ARHGAP20: variants seen among roughly 807,000 people sequenced by gnomAD.
The protein encoded by ARHGAP20 is Rho GTPase activating protein 20.
In ARHGAP20, 34 loss-of-function variants were observed where a neutral mutation model predicts 73.7. That is an observed-to-expected ratio of 0.46 (90% CI 0.35 to 0.61). The LOEUF is 0.61. ARHGAP20 is among the 20% of genes least tolerant of loss of function. The pLI, the probability that ARHGAP20 is intolerant of heterozygous loss-of-function variation, is 0.00. For missense variants in ARHGAP20, 1,314 were observed against 1,420.9 expected (o/e 0.92, Z 1.21); for synonymous variants, 523 against 518.2 (o/e 1.01, Z -0.13).
intron 4 of ARHGAP20, among the ~76,000 whole-genome samples, chr11:110,618,547 T>C (rs547081364): frequency 7.7e-4 from 117 of 152,284 alleles, no homozygotes; most frequent in African/African-American, 2.6e-3. Flanking sequence ...AGAGTATATG[T>C]AGTGATAGAG....
intron 7 of ARHGAP20, among the ~76,000 whole-genome samples, chr11:110,609,959 T>C (rs1047283371): frequency 1.3e-5 from 2 of 152,152 alleles, no homozygotes; most frequent in African/African-American, 4.8e-5. Context: ...GAAAACACTG[T>C]AATAATAATC....
chr11:110,632,839 C>T (rs759261321), intron 2 of ARHGAP20, among the ~76,000 whole-genome samples: 26 of 152,126 alleles, frequency 1.7e-4, no homozygotes, highest in East Asian at 9.6e-4. Flanking sequence ...TGTTATTATA[C>T]GCATATTGAG....
rs1949795307 is a variant in ARHGAP20, at chr11:110,669,917, C to T, written c.188+20630G>A. Among the ~76,000 whole-genome samples, 3 of 152,086 alleles carry T rather than the reference C, an allele frequency of 2.0e-5. No homozygotes were observed. The South Asian group carries it at 6.2e-4, about 32-fold the overall frequency. ...AAAATTTAAAAAACCCTACTGTCTACTAACACATAAAAGAAATAAAGAGGT... is the reference window on the plus strand; with the variant it reads ...AAAATTTAAAAAACCCTACTGTCTATTAACACATAAAAGAAATAAAGAGGT... On this transcript the variant is annotated intron_variant, in intron 2 of 14. Coordinates refer to ENST00000683387, the MANE Select transcript of ARHGAP20 (RefSeq NM_001384657.1).
rs1397450933 is a variant in ARHGAP20 at position 110,580,586 on chromosome 11, C to T, written c.2360G>A (p.Gly787Glu). 6.2e-6 allele frequency: 10 copies of T among 1,614,106 alleles called. No homozygotes were observed. Among genetic ancestry groups the T allele is most frequent in the Non-Finnish European group, 8.5e-6 (10 of 1,180,044 alleles). The change falls in exon 15 of 15, where the codon GGA becomes GAA. Residue 787 changes from glycine to glutamate, a missense_variant. Coordinates refer to ENST00000683387, the MANE Select transcript of ARHGAP20 (RefSeq NM_001384657.1). The part of the protein sequence containing the change: ...TKKKSLSGSE[G>E]NHVKLFPKSK... ...CTTAGGGAAAAGTTTCACGTGATTT[C>T]CTTCACTACCAGACAAGCTTTTCTT...
chr11:110,655,559 A>G (rs1949447189), intron 2 of ARHGAP20, among the ~76,000 whole-genome samples: 1 of 152,198 alleles, frequency 6.6e-6, no homozygotes, highest in Admixed American at 6.5e-5. Context: ...GTAAGTATTT[A>G]CTAAATAAAT....
At chr11:110,607,240 T>C (rs1343349165) in intron 8 of ARHGAP20, among the ~76,000 whole-genome samples, 1 of 152,208 alleles carries the variant, frequency 6.6e-6, no homozygotes, top group Non-Finnish European at 1.5e-5. Flanking sequence ...CACAAGATGT[T>C]TGCCTAAAAA....
intron 1 of ARHGAP20, among the ~76,000 whole-genome samples, chr11:110,694,207 G>GA (rs985177116): frequency 7.2e-5 from 11 of 151,862 alleles, no homozygotes; most frequent in African/African-American, 2.6e-4. Flanking sequence ...CCCCAAATGG[G>GA]AAAAAATGAG....
intron 14 of ARHGAP20, among the ~76,000 whole-genome samples, 172 bp from the exon 15 acceptor site, chr11:110,581,397 G>T (rs537337715): frequency 6.6e-6 from 1 of 152,178 alleles, no homozygotes. Flanking sequence ...AATTGCTGGG[G>T]TATAGGAGAT....
At chr11:110,670,526 T>G (rs749128709) in intron 2 of ARHGAP20, among the ~76,000 whole-genome samples, 3 of 152,096 alleles carry the variant, frequency 2.0e-5, no homozygotes, top group Admixed American at 2.0e-4. Flanking sequence ...AAGAAGAAAC[T>G]GAATACTCAC....
intron 2 of ARHGAP20, among the ~76,000 whole-genome samples, chr11:110,632,668 G>A (rs1456844004): frequency 6.6e-6 from 1 of 152,174 alleles, no homozygotes; most frequent in Non-Finnish European, 1.5e-5. Flanking sequence ...GCCTCCCAAA[G>A]TGCAAGGATT....
At chr11:110,587,743 C>T (rs772825282) in intron 11 of ARHGAP20, among the ~76,000 whole-genome samples, 1 of 151,536 alleles carries the variant, frequency 6.6e-6, no homozygotes, top group Non-Finnish European at 1.5e-5. Flanking sequence ...TCTTTGTAGT[C>T]ATGTCACTTT....
At position 110,676,563 on chromosome 11, in the gene ARHGAP20, G is replaced by A. The variant is rs148353201; in HGVS notation, c.188+13984C>T. Among the ~76,000 whole-genome samples, 911 of 152,266 alleles carry A rather than the reference G, an allele frequency of 6.0e-3. 2 individuals are homozygous for A. The highest frequency in any genetic ancestry group is 0.015 in the South Asian group (73 of 4,818). On this transcript the variant is annotated intron_variant, in intron 2 of 14. Transcript: ENST00000683387. ...CCCATGATTAAATTACCTCTCACCA[G>A]TTCCCTCCCATGACATGTGGGGATT...
chr11:110,701,221 A>G (rs955077841), intron 1 of ARHGAP20, among the ~76,000 whole-genome samples: 2 of 151,494 alleles, frequency 1.3e-5, no homozygotes, highest in African/African-American at 2.4e-5. Context: ...AAGTGTTCCT[A>G]TTTCTCCACA....
At chr11:110,585,081 ATGAATATATG>A (rs905459953) in intron 12 of ARHGAP20, among the ~76,000 whole-genome samples, 1 of 150,368 alleles carries the variant, frequency 6.7e-6, no homozygotes, top group Admixed American at 6.7e-5. Context: ...ATATGAATAC[ATGAATATATG>A]TGAATATATG....
intron 7 of ARHGAP20, among the ~76,000 whole-genome samples, chr11:110,610,089 C>G (rs1372572783): frequency 6.6e-6 from 1 of 152,074 alleles, no homozygotes; most frequent in Non-Finnish European, 1.5e-5. Flanking sequence ...TGAATCATGT[C>G]AGTAATTCCT....
At chr11:110,583,998 T>TA (rs1010349831) in intron 12 of ARHGAP20, among the ~76,000 whole-genome samples, 4 of 151,928 alleles carry the variant, frequency 2.6e-5, no homozygotes, top group South Asian at 2.1e-4. Flanking sequence ...AATATTTCAT[T>TA]AAAAAAAATG....
chr11:110,704,695 C>T (rs1320677296), intron 1 of ARHGAP20, among the ~76,000 whole-genome samples: 1 of 152,048 alleles, frequency 6.6e-6, no homozygotes, highest in Admixed American at 6.6e-5. Flanking sequence ...AAGATCAACT[C>T]TATCCGAGTT....
intron 1 of ARHGAP20, among the ~76,000 whole-genome samples, chr11:110,699,718 T>C (rs1950407335): frequency 6.6e-6 from 1 of 151,984 alleles, no homozygotes; most frequent in African/African-American, 2.4e-5. Flanking sequence ...CTACTCCTGC[T>C]CACTTTTGTT....
rs1188763648 is a variant in ARHGAP20, at chr11:110,577,878, A to AAAAG, written c.*1488_*1491dup. The AAAAG allele has an allele frequency of 4.1e-6, 4 of 985,662 alleles. No homozygotes were observed. The highest frequency in any genetic ancestry group is 1.7e-5 in the African/African-American group (1 of 57,246). 61.1% of individuals were successfully genotyped at this position (985,662 alleles called of 1,614,324 possible). Reference sequence around the variant, plus strand: ...ACTGAAAATGCAACCTTTAGAACAAAAAAGAAAGAACATTTGATATGACCA... The same window carrying AAAAG: ...ACTGAAAATGCAACCTTTAGAACAAAAAAGAAAGAAAGAACATTTGATATGACCA... On this transcript the variant is annotated 3_prime_UTR_variant, in exon 15 of 15. Transcript: ENST00000683387.
Sources: allele counts gnomAD v4.1 joint callset (sites outside exome capture counted in the v4.1 genomes callset), GRCh38; gene constraint gnomAD v4.1.1; transcripts MANE v1.5; gene names NCBI Gene and HGNC (gene_info 2026-07-23, HGNC 2026-07-21).